PLEKHH2: variants seen among roughly 807,000 people sequenced by gnomAD.
PLEKHH2 encodes the protein pleckstrin homology domain-containing family H member 2.
PLEKHH2 carries 129 observed loss-of-function variants against 187.9 expected under a neutral mutation model. The ratio of observed to expected loss-of-function variants is 0.69; its 90% CI spans 0.59 to 0.79. The LOEUF is 0.79. Ranked by LOEUF, PLEKHH2 falls within the 30% of genes least tolerant of loss-of-function variation. The pLI is 0.00. For missense variants in PLEKHH2, 2,076 were observed against 1,751.2 expected (o/e 1.19, Z -3.31); for synonymous variants, 686 against 605.6 (o/e 1.13, Z -1.95).
chr2:43,733,318 G>A (rs1018771978), intron 19 of PLEKHH2, among the ~76,000 whole-genome samples: 10 of 145,190 alleles, frequency 6.9e-5, no homozygotes, highest in Middle Eastern at 3.7e-3. Context: ...AGCCGAGATC[G>A]CACCAGTGCA....
At chr2:43,687,820 A>G (rs140942476) in intron 3 of PLEKHH2, among the ~76,000 whole-genome samples, 8 of 151,658 alleles carry the variant, frequency 5.3e-5, no homozygotes, top group Non-Finnish European at 1.5e-5. Context: ...TTTTCAAGAC[A>G]GGGTCTTCCT....
intron 3 of PLEKHH2, chr2:43,681,254 C>G: frequency 1.5e-6 from 1 of 664,858 alleles, no homozygotes. Flanking sequence ...AATTACAATC[C>G]TCCTGTGGAG....
intron 7 of PLEKHH2, among the ~76,000 whole-genome samples, chr2:43,698,015 C>G (rs1055910582): frequency 1.3e-5 from 2 of 152,078 alleles, no homozygotes; most frequent in Admixed American, 1.3e-4. Flanking sequence ...TTGGCTTTGC[C>G]ACCTCTAGCA....
At chr2:43,733,093 T>G (rs1671121264) in intron 19 of PLEKHH2, among the ~76,000 whole-genome samples, 1 of 152,190 alleles carries the variant, frequency 6.6e-6, no homozygotes, top group Non-Finnish European at 1.5e-5. Context: ...CCGGGCGCAG[T>G]GGCTCACGCC....
intron 19 of PLEKHH2, among the ~76,000 whole-genome samples, chr2:43,733,898 A>C (rs750866696): frequency 1.3e-5 from 2 of 152,220 alleles, no homozygotes; most frequent in Admixed American, 1.3e-4. Context: ...AAGAAAGACT[A>C]TACAAGTATA....
chr2:43,730,974 C>T (rs956408274), intron 18 of PLEKHH2, among the ~76,000 whole-genome samples: 3 of 152,214 alleles, frequency 2.0e-5, no homozygotes, highest in South Asian at 2.1e-4. Context: ...ATTTAAGCAA[C>T]GTGATAGTGC....
chr2:43,763,902 A>G (rs1242324737), intron 28 of PLEKHH2, among the ~76,000 whole-genome samples: 1 of 152,158 alleles, frequency 6.6e-6, no homozygotes, highest in Admixed American at 6.5e-5. Context: ...TATAAGAGAT[A>G]TATGAAAGGG....
intron 2 of PLEKHH2, chr2:43,675,932 A>T (rs904313164): frequency 6.2e-7 from 1 of 1,614,030 alleles, no homozygotes; most frequent in Non-Finnish European, 8.5e-7. Flanking sequence ...TTGTCACCAT[A>T]CTTTTCAAAG....
chr2:43,693,583 G>T (rs1193193036), intron 4 of PLEKHH2, among the ~76,000 whole-genome samples: 1 of 151,938 alleles, frequency 6.6e-6, no homozygotes, highest in African/African-American at 2.4e-5. Context: ...AATTAGCCGG[G>T]CGTGGTGGCG....
At chr2:43,732,801 T>C (rs1572635736) in intron 19 of PLEKHH2, among the ~76,000 whole-genome samples, 1 of 152,182 alleles carries the variant, frequency 6.6e-6, no homozygotes, top group East Asian at 1.9e-4. Flanking sequence ...TTCCATGTAC[T>C]CTTCAGCCAG....
chr2:43,694,856 G>A (rs908000190), intron 5 of PLEKHH2, among the ~76,000 whole-genome samples: 1 of 152,102 alleles, frequency 6.6e-6, no homozygotes, highest in Non-Finnish European at 1.5e-5. Flanking sequence ...TTCTATGGCA[G>A]TTTAAAGCTG....
intron 2 of PLEKHH2, among the ~76,000 whole-genome samples, chr2:43,646,979 T>C (rs6732022): frequency 0.61 from 91,917 of 151,712 alleles, 28,707 homozygotes; most frequent in African/African-American, 0.73. Flanking sequence ...AAAATATGAA[T>C]AAGGATTTTC....
At chr2:43,679,133 G>A (rs1018051573) in intron 3 of PLEKHH2, among the ~76,000 whole-genome samples, 2 of 152,064 alleles carry the variant, frequency 1.3e-5, no homozygotes, top group African/African-American at 4.8e-5. Context: ...CCATTAGGAA[G>A]GAAGTTTTAT....
At chr2:43,653,177 T>A (rs1259514509) in intron 2 of PLEKHH2, among the ~76,000 whole-genome samples, 1 of 152,036 alleles carries the variant, frequency 6.6e-6, no homozygotes, top group Non-Finnish European at 1.5e-5. Context: ...AGATTCCAAG[T>A]TGAATGTGTC....
Position 43,699,874 on chromosome 2 carries a change from C to G in PLEKHH2, c.916C>G (p.Leu306Val). 1.2e-6 allele frequency: 2 copies of G among 1,614,134 alleles called. No homozygotes were observed. Among genetic ancestry groups the G allele is most frequent in the African/African-American group, 2.7e-5 (2 of 75,038 alleles). ...ATCCAAGTCCAGATGCACATCCACC[C>G]TCTCCAGTCACACATCTGAGGAAGG... is the stretch of plus-strand genomic sequence containing the variant. ...GRSKSRCTSTLSSHTSEEGVQ... is the reference protein window; with the variant it reads ...GRSKSRCTSTVSSHTSEEGVQ... Residue 306 changes from leucine to valine, a missense_variant, in exon 8 of 30, where the codon CTC (leucine) becomes GTC (valine). Coordinates refer to ENST00000282406, the MANE Select transcript of PLEKHH2 (RefSeq NM_172069.4).
chr2:43,695,861 C>T (rs573365669), intron 6 of PLEKHH2, among the ~76,000 whole-genome samples: 1 of 152,190 alleles, frequency 6.6e-6, no homozygotes, highest in African/African-American at 2.4e-5. Flanking sequence ...GCATTGAACA[C>T]TTTGGAGGAG....
At chr2:43,762,156 C>A in intron 27 of PLEKHH2, 148 bp from the exon 28 acceptor site, 1 of 607,344 alleles carries the variant, frequency 1.6e-6, no homozygotes, top group Non-Finnish European at 2.9e-6. Context: ...GGTATACCAC[C>A]CTGCCTCTTT....
Position 43,697,323 on chromosome 2 carries a change from G to A in PLEKHH2, c.655G>A (p.Glu219Lys), listed in dbSNP as rs1479329778. The A allele has an allele frequency of 1.2e-6, 2 of 1,612,926 alleles. No individual in the cohort carries two copies. The highest frequency in any genetic ancestry group is 1.7e-6 in the Non-Finnish European group (2 of 1,179,538). Residue 219 changes from glutamate (E) to lysine (K), a missense_variant, in exon 7 of 30, where the codon GAA (glutamate) becomes AAA (lysine). Glu to Lys is a moderately conservative substitution (Grantham distance 56). Transcript: ENST00000282406. ...GGAAATGAGCAAGATATCATCGAAA[G>A]AACCTGAGTTCACTGAAGGAAAAGA... is the stretch of plus-strand genomic sequence containing the variant. ...SEEMSKISSKEPEFTEGKDME... is the reference protein window; with the variant it reads ...SEEMSKISSKKPEFTEGKDME...
chr2:43,761,312 A>T (rs896697701), intron 27 of PLEKHH2, among the ~76,000 whole-genome samples: 1 of 151,856 alleles, frequency 6.6e-6, no homozygotes, highest in Non-Finnish European at 1.5e-5. Context: ...GCTCAAAAAC[A>T]TTCATGGGTT....
Sources: gnomAD v4.1 joint callset for allele counts (sites outside exome capture counted in the v4.1 genomes callset) on GRCh38, gnomAD v4.1.1 for gene constraint, MANE v1.5 for transcripts, NCBI Gene and HGNC (gene_info 2026-07-23, HGNC 2026-07-21) for gene names.